The following ZNF48 variants were observed in gnomAD, a reference collection of about 807,000 sequenced individuals.
The protein encoded by ZNF48 is zinc finger protein 553.
In ZNF48, 20 loss-of-function variants were observed where a neutral mutation model predicts 40.0. That is an observed-to-expected ratio of 0.50 (90% confidence interval 0.35 to 0.73). ZNF48 has a LOEUF of 0.73. ZNF48 is among the 30% of genes least tolerant of loss of function. The pLI is 0.01. For missense variants in ZNF48, 726 were observed against 851.9 expected (o/e 0.85, Z 1.84); for synonymous variants, 298 against 329.7 (o/e 0.90, Z 1.04).
At position 30,381,749 on chromosome 16, in the gene ZNF48, C is replaced by T; in HGVS notation, c.-16+3339C>T. 6.2e-7 allele frequency: 1 copy of T among 1,613,740 alleles called. No individual in the cohort carries two copies. Among genetic ancestry groups the T allele is most frequent in the South Asian group, 1.1e-5 (1 of 91,034 alleles). On this transcript the variant is annotated intron_variant, in intron 1 of 2. Transcript: ENST00000528032. This position sits in a 1 kb window ranked among gnomAD's most constrained non-coding sequence, Gnocchi z 4.3. ...AAAGGCTGAGCCTCTGTCCCCTTTC[C>T]TCTTCCTCACCAGTCAGAGCAGTCC...
chr16:30,393,793 G>A (rs952856231), upstream of ZNF48, among the ~76,000 whole-genome samples: 2 of 150,838 alleles, frequency 1.3e-5, no homozygotes, highest in African/African-American at 4.9e-5. Flanking sequence ...ATGGTTTACT[G>A]CAGCCTCAAC....
rs772717432 is a variant in ZNF48 at position 30,395,464 on chromosome 16, G to C, written c.-130G>C. The C allele has an allele frequency of 3.0e-6, 1 of 335,706 alleles. No homozygotes were observed. 20.8% of individuals were successfully genotyped at this position (335,706 alleles called of 1,614,324 possible). A position where few individuals can be genotyped will look rare whatever the true frequency, so the allele number is the denominator to read the frequency against. On this transcript the variant is annotated 5_prime_UTR_variant, in exon 1 of 3. Transcript: ENST00000613509. The surrounding 1 kb of genome is among the most constrained non-coding windows in gnomAD (Gnocchi z 5.9). ...CCCCGGGACGCCTGGGTCCGAGCCCGCTCCCGGCTTGGCGCGGAGCCTGCA... is the reference window on the plus strand; with the variant it reads ...CCCCGGGACGCCTGGGTCCGAGCCCCCTCCCGGCTTGGCGCGGAGCCTGCA...
At chr16:30,392,006 T>G (rs569194844), upstream of ZNF48, among the ~76,000 whole-genome samples, 9 of 152,100 alleles carry the variant, frequency 5.9e-5, no homozygotes, top group African/African-American at 7.2e-5. Context: ...CCCAGCTAAC[T>G]TTTTTGTATC....
In ZNF48 at chr16:30,398,397, G is replaced by C. The variant is rs760426723; in HGVS notation, c.1147G>C (p.Glu383Gln). ...TCTTCGCCACCGCCTCACTCACATG[G>C]AGCCCCAGGACTTCAGCTTCCCAGG... ...TLLRHRLTHMEPQDFSFPGYP... is the reference protein window; with the variant it reads ...TLLRHRLTHMQPQDFSFPGYP... Residue 383 changes from glutamate (E) to glutamine (Q), a missense_variant, in exon 3 of 3, where the codon GAG becomes CAG. Coordinates refer to ENST00000613509, the MANE Select transcript of ZNF48 (RefSeq NM_001214909.2). This position sits in a 1 kb window ranked among gnomAD's most constrained non-coding sequence, Gnocchi z 6.6. 40 of 1,611,332 alleles carry C rather than the reference G, an allele frequency of 2.5e-5. No individual in the cohort carries two copies. The highest frequency in any genetic ancestry group is 3.3e-5 in the Non-Finnish European group (39 of 1,178,272).
At chr16:30,379,950 C>A (rs770275867) in intron 1 of ZNF48, 3 of 1,567,498 alleles carry the variant, frequency 1.9e-6, no homozygotes, top group East Asian at 2.2e-5. Context: ...CTGCATCCTG[C>A]CTCTTGAAGT....
Position 30,398,797 on chromosome 16 carries a change from G to A in ZNF48, c.1547G>A (p.Arg516Gln), listed in dbSNP as rs1241114751. The A allele has an allele frequency of 9.3e-6, 15 of 1,613,636 alleles. No individual in the cohort carries two copies. Among genetic ancestry groups the A allele is most frequent in the East Asian group, 6.7e-5 (3 of 44,884 alleles). ...CCACCACCACCATCCACTCTGCTGC[G>A]GCCACATAACCCACCTGGCCCAGTA... ...ARPPPPSTLL[R>Q]PHNPPGPVPM... is the part of the protein sequence containing the mutation. The change falls in exon 3 of 3, where the codon CGG becomes CAG. Residue 516 changes from arginine (R) to glutamine (Q), a missense_variant. Coordinates refer to ENST00000613509, the MANE Select transcript of ZNF48 (RefSeq NM_001214909.2). The surrounding 1 kb of genome is among the most constrained non-coding windows in gnomAD (Gnocchi z 6.6).
At position 30,382,490 on chromosome 16, in the gene ZNF48, C is replaced by T; in HGVS notation, c.-16+4080C>T. ...GGACCCCAGGCATGGGGGCTGGGGG[C>T]CGAGATGCCCAGGTTTCTGGGTGTA... On this transcript the variant is annotated intron_variant, in intron 1 of 2. Coordinates refer to the ZNF48 transcript ENST00000528032. This position sits in a 1 kb window ranked among gnomAD's most constrained non-coding sequence, Gnocchi z 4.8. The T allele has an allele frequency of 6.3e-7, 1 of 1,595,420 alleles. No homozygotes were observed. Among genetic ancestry groups the T allele is most frequent in the Non-Finnish European group, 8.6e-7 (1 of 1,169,166 alleles).
Position 30,381,967 on chromosome 16 carries a change from C to T in ZNF48, c.-16+3557C>T. 3 of 1,604,678 alleles carry T rather than the reference C, an allele frequency of 1.9e-6. No homozygotes were observed. The highest frequency in any genetic ancestry group is 2.6e-6 in the Non-Finnish European group (3 of 1,174,166). On this transcript the variant is annotated intron_variant, in intron 1 of 2. Transcript: ENST00000528032. The surrounding 1 kb of genome is among the most constrained non-coding windows in gnomAD (Gnocchi z 4.3). ...TTTGTCAATATCACAGTTGCCTGCA[C>T]CCATTTCCCAGGGGAGGAAAGTCTC...
At chr16:30,379,864 C>G (rs2049818713) in intron 1 of ZNF48, 1 of 871,316 alleles carries the variant, frequency 1.1e-6, no homozygotes, top group Non-Finnish European at 1.9e-6. Context: ...GTCTCAGCCT[C>G]CCAAAGTGCT....
In ZNF48 at chr16:30,397,490, C is replaced by T; in HGVS notation, c.240C>T (p.Val80=). 1 of 1,614,112 alleles carries T rather than the reference C, an allele frequency of 6.2e-7. No homozygotes were observed. Among genetic ancestry groups the T allele is most frequent in the Non-Finnish European group, 8.5e-7 (1 of 1,180,004 alleles). ...TCCAGAACTGGGATGACTTATGGGT[C>T]CAGAGAGAGGGTCTAGGAAAGCCTC... ...EGIQNWDDLW[V]QREGLGKPQP... The change falls in exon 3 of 3, where the codon GTC becomes GTT. Residue 80 remains valine (V), a synonymous_variant. Coordinates refer to ENST00000613509, the MANE Select transcript of ZNF48 (RefSeq NM_001214909.2). The surrounding 1 kb of genome is among the most constrained non-coding windows in gnomAD (Gnocchi z 4.1).
intron 1 of ZNF48, among the ~76,000 whole-genome samples, chr16:30,384,338 C>T (rs2151112888): frequency 6.6e-6 from 1 of 152,042 alleles, no homozygotes; most frequent in Middle Eastern, 3.4e-3. Flanking sequence ...ACCATCCTGG[C>T]CAACATGGTG....
At chr16:30,378,940 T>A (rs2049796988) in intron 1 of ZNF48, 4 of 1,420,864 alleles carry the variant, frequency 2.8e-6, no homozygotes, top group Middle Eastern at 4.7e-4. Flanking sequence ...TCACGGGTGG[T>A]GGGGACGAGT....
rs1472947327 is a variant in ZNF48, at chr16:30,397,375, A to C, written c.125A>C (p.His42Pro). The change falls in exon 3 of 3, where the codon CAT (histidine) becomes CCT (proline). Residue 42 changes from histidine (H) to proline (P), a missense_variant. His to Pro is a moderately conservative substitution (Grantham distance 77, BLOSUM62 -2). Transcript: ENST00000613509. The surrounding 1 kb of genome is among the most constrained non-coding windows in gnomAD (Gnocchi z 4.1). ...ATTTCTCAGCCGAATGAGTTTGAACATACCCCACAGGAAGATGACTTGGGG... is the reference window on the plus strand; with the variant it reads ...ATTTCTCAGCCGAATGAGTTTGAACCTACCCCACAGGAAGATGACTTGGGG... ...NVISQPNEFE[H>P]TPQEDDLGFK... 6.2e-7 allele frequency: 1 copy of C among 1,613,950 alleles called. No individual in the cohort carries two copies. The highest frequency in any genetic ancestry group is 8.5e-7 in the Non-Finnish European group (1 of 1,179,988).
rs2049857123 is a variant in ZNF48 at position 30,382,084 on chromosome 16, G to A, written c.-16+3674G>A. 6 of 1,577,646 alleles carry A rather than the reference G, an allele frequency of 3.8e-6. No homozygotes were observed. The highest frequency in any genetic ancestry group is 5.2e-6 in the Non-Finnish European group (6 of 1,161,182). ...GGCTACTGCCTCAAGAGGGTGGGGA[G>A]GGTCTTACCACTGGCCTCTGGCACC... On this transcript the variant is annotated intron_variant, in intron 1 of 2. Coordinates refer to the ZNF48 transcript ENST00000528032. This position sits in a 1 kb window ranked among gnomAD's most constrained non-coding sequence, Gnocchi z 4.8.
intron 1 of ZNF48, chr16:30,378,517 G>A (rs1229690379): frequency 1.9e-6 from 3 of 1,585,976 alleles, no homozygotes; most frequent in African/African-American, 1.4e-5. Flanking sequence ...TGCATGCGGC[G>A]CAGCTGTGCA....
upstream of ZNF48, among the ~76,000 whole-genome samples, chr16:30,390,457 T>C (rs945897241): frequency 2.0e-5 from 3 of 152,068 alleles, no homozygotes; most frequent in African/African-American, 4.8e-5. Flanking sequence ...TCGCCCAGGA[T>C]GGAGTGCAGT....
At chr16:30,391,716 C>T (rs1053556469), upstream of ZNF48, among the ~76,000 whole-genome samples, 2 of 151,872 alleles carry the variant, frequency 1.3e-5, no homozygotes, top group Non-Finnish European at 2.9e-5. Context: ...AAACTGGTCT[C>T]GAACTCCTGA....
In ZNF48 at chr16:30,381,884, C is replaced by T. The variant is rs2049854477; in HGVS notation, c.-16+3474C>T. 1 of 1,614,022 alleles carries T rather than the reference C, an allele frequency of 6.2e-7. No homozygotes were observed. On this transcript the variant is annotated intron_variant, in intron 1 of 2. Coordinates refer to the ZNF48 transcript ENST00000528032. The surrounding 1 kb of genome is among the most constrained non-coding windows in gnomAD (Gnocchi z 4.3). ...ATGGCCAGGGTCTGTGTCAAGCGAGCTGTGGGATGGGGGAGAGGTCAGGGA... is the reference window on the plus strand; with the variant it reads ...ATGGCCAGGGTCTGTGTCAAGCGAGTTGTGGGATGGGGGAGAGGTCAGGGA...
rs199914685 is a variant in ZNF48 at position 30,398,826 on chromosome 16, A to C, written c.1576A>C (p.Met526Leu). 6.2e-7 allele frequency: 1 copy of C among 1,613,594 alleles called. No individual in the cohort carries two copies. The highest frequency in any genetic ancestry group is 8.5e-7 in the Non-Finnish European group (1 of 1,179,956). ...RPHNPPGPVP[M>L]APRPRVRAQP... ...ACATAACCCACCTGGCCCAGTACCCATGGCCCCTCGACCCCGAGTTCGGGC... is the reference window on the plus strand; with the variant it reads ...ACATAACCCACCTGGCCCAGTACCCCTGGCCCCTCGACCCCGAGTTCGGGC... Residue 526 changes from methionine to leucine, a missense_variant, in exon 3 of 3, where the codon ATG becomes CTG. Met to Leu is a conservative substitution (Grantham distance 15). This residue lies in a region of ZNF48 where 166 missense variants were observed against 163.6 expected (regional missense o/e 1.01). Transcript: ENST00000613509. The surrounding 1 kb of genome is among the most constrained non-coding windows in gnomAD (Gnocchi z 6.6).
Sources: gnomAD v4.1 joint callset for allele counts (sites outside exome capture counted in the v4.1 genomes callset) on GRCh38, gnomAD v4.1.1 for gene constraint, gnomAD v4.1.1 regional missense constraint, Gnocchi (gnomAD v3.1) non-coding constraint, MANE v1.5 for transcripts, NCBI Gene and HGNC (gene_info 2026-07-23, HGNC 2026-07-21) for gene names.